The following HNRNPK variants were observed in gnomAD, a reference collection of about 807,000 sequenced individuals.
HNRNPK encodes the protein dC-stretch binding protein.
In HNRNPK, 7 loss-of-function variants were observed where a neutral mutation model predicts 67.0. The observed-to-expected ratio is 0.10, with a 90% CI of 0.06 to 0.20. HNRNPK has a LOEUF of 0.20. Ranked by LOEUF, HNRNPK falls within the 10% of genes least tolerant of loss-of-function variation. The pLI is 1.00. For missense variants in HNRNPK, 264 were observed against 606.5 expected (o/e 0.44, Z 5.93); for synonymous variants, 213 against 193.7 (o/e 1.10, Z -0.83).
In HNRNPK at chr9:83,974,609, C is replaced by T; in HGVS notation, c.258-20G>A. On this transcript the variant is annotated intron_variant, in intron 6 of 16. Transcript: ENST00000376263. ...AATATGCTGTCAAACACCACAAATA[C>T]CAGATAGTACAAAAAAGGTGGAAAA... 2 of 1,554,568 alleles carry T rather than the reference C, an allele frequency of 1.3e-6. No individual in the cohort carries two copies. The highest frequency in any genetic ancestry group is 1.8e-6 in the Non-Finnish European group (2 of 1,134,748).
chr9:83,973,510 TA>T, intron 8 of HNRNPK, 111 bp from the exon 9 acceptor site: 1 of 689,208 alleles, frequency 1.5e-6, no homozygotes, highest in South Asian at 1.8e-5. Context: ...AACCTGAATT[TA>T]TATTTCAATA....
intron 10 of HNRNPK, 152 bp from the exon 11 acceptor site, chr9:83,972,341 T>C (rs1235638872): frequency 4.9e-6 from 3 of 611,340 alleles, no homozygotes; most frequent in Non-Finnish European, 8.4e-6. Context: ...ACGCTAAAAG[T>C]AGCAAAGTAA....
chr9:83,973,847 G>A (rs371901358), intron 8 of HNRNPK, 55 bp downstream of exon 8: 45 of 1,266,922 alleles, frequency 3.6e-5, no homozygotes, highest in African/African-American at 5.9e-5. Context: ...AAATATAATC[G>A]ATCCTATGGG....
chr9:83,977,403 A>G (rs1203747696), intron 4 of HNRNPK, among the ~76,000 whole-genome samples: 2 of 152,208 alleles, frequency 1.3e-5, no homozygotes, highest in East Asian at 1.9e-4. Context: ...CCAACCAAGC[A>G]GTTTCCTAAG....
At chr9:83,975,255 C>A (rs1957025333) in intron 6 of HNRNPK, among the ~76,000 whole-genome samples, 1 of 152,102 alleles carries the variant, frequency 6.6e-6, no homozygotes, top group African/African-American at 2.4e-5. Flanking sequence ...GTGCTCCTTC[C>A]ATCGAAATAA....
chr9:83,977,877 C>A (rs1167583840), intron 3 of HNRNPK, 91 bp from the exon 4 acceptor site: 3 of 825,880 alleles, frequency 3.6e-6, no homozygotes, highest in East Asian at 5.0e-5. Context: ...TAATCTTAGG[C>A]ATGTTTTGAA....
intron 1 of HNRNPK, among the ~76,000 whole-genome samples, chr9:83,979,223 A>C (rs1011296898): frequency 6.6e-6 from 1 of 152,220 alleles, no homozygotes; most frequent in African/African-American, 2.4e-5. Context: ...TTGGCTAGAC[A>C]GCAAAGAGCC....
At chr9:83,973,201 G>A in intron 9 of HNRNPK, 85 bp downstream of exon 9, 5 of 856,234 alleles carry the variant, frequency 5.8e-6, no homozygotes, top group East Asian at 4.8e-5. Flanking sequence ...GAACTGAGAG[G>A]GGAAGCGAGA....
intron 4 of HNRNPK, 128 bp from the exon 5 acceptor site, chr9:83,977,179 G>C (rs1957107008): frequency 1.6e-6 from 1 of 627,982 alleles, no homozygotes; most frequent in Non-Finnish European, 2.8e-6. Context: ...ATTTGGGGTT[G>C]TAAAAACGAC....
At chr9:83,977,906 A>G in intron 3 of HNRNPK, 120 bp from the exon 4 acceptor site, 1 of 645,444 alleles carries the variant, frequency 1.5e-6, no homozygotes, top group Non-Finnish European at 2.7e-6. Flanking sequence ...AGGCATTGCT[A>G]CAGACTTGAA....
At chr9:83,978,884 G>A (rs533387682) in intron 1 of HNRNPK, among the ~76,000 whole-genome samples, 34 of 152,190 alleles carry the variant, frequency 2.2e-4, no homozygotes, top group Non-Finnish European at 2.9e-4. Flanking sequence ...CATCTCTAAA[G>A]TTTACAAATA....
chr9:83,972,729 T>C, intron 10 of HNRNPK, 115 bp downstream of exon 10: 2 of 694,406 alleles, frequency 2.9e-6, no homozygotes, highest in Non-Finnish European at 4.6e-6. Context: ...GATAGAAAAT[T>C]GCTAGGGAAA....
intron 2 of HNRNPK, 26 bp from the exon 3 acceptor site, chr9:83,978,305 C>G: frequency 7.2e-7 from 1 of 1,386,392 alleles, no homozygotes; most frequent in Non-Finnish European, 9.7e-7. Context: ...GCAGCTAGTA[C>G]ATTTGGCTTA....
At chr9:83,969,549 C>A in intron 16 of HNRNPK, 109 bp from the exon 17 acceptor site, 1 of 738,954 alleles carries the variant, frequency 1.4e-6, no homozygotes, top group East Asian at 2.5e-5. Context: ...ACGTCCATTA[C>A]AATTAGAAGA....
intron 8 of HNRNPK, 71 bp downstream of exon 8, chr9:83,973,831 T>C: frequency 2.6e-6 from 3 of 1,138,940 alleles, no homozygotes; most frequent in Admixed American, 1.8e-5. Context: ...AAGCACACTA[T>C]GTTAAAAATA....
Position 83,970,287 on chromosome 9 carries a change from T to C in HNRNPK, c.1236A>G (p.Gln412=), listed in dbSNP as rs61755088. The C allele has an allele frequency of 1.9e-4, 300 of 1,613,938 alleles. No individual in the cohort carries two copies. The highest frequency in any genetic ancestry group is 2.7e-4 in the Admixed American group (16 of 59,996). The change falls in exon 16 of 17, where the codon CAA becomes CAG. Residue 412 remains glutamine, a synonymous_variant. Transcript: ENST00000376263. ...TCGAAGCTCCCGACTCATGACGGAT[T>C]TGTTTAATCCGCTGACCACCTTTGC... The part of the protein sequence containing the change: ...IIGKGGQRIK[Q]IRHESGASIK...
intron 13 of HNRNPK, 48 bp from the exon 14 acceptor site, chr9:83,970,960 A>C: frequency 6.4e-7 from 1 of 1,554,444 alleles, no homozygotes. Context: ...CGTTGTAATT[A>C]CTACCGGTAC....
intron 1 of HNRNPK, among the ~76,000 whole-genome samples, chr9:83,979,825 G>C (rs1957292644): frequency 6.6e-6 from 1 of 152,264 alleles, no homozygotes; most frequent in African/African-American, 2.4e-5. Flanking sequence ...CCAAGGTGAG[G>C]CGGGGCTCAC....
chr9:83,973,894 T>G lies in HNRNPK; in HGVS notation c.402+8A>C, dbSNP rs1165884819. 6.2e-7 allele frequency: 1 copy of G among 1,609,482 alleles called. No homozygotes were observed. Among genetic ancestry groups the G allele is most frequent in the African/African-American group, 1.3e-5 (1 of 74,832 alleles). On this transcript the variant is annotated splice_region_variant and intron_variant, in intron 8 of 16. Transcript: ENST00000376263. ...ACTTCAGTGGGGTTCAATGGCACTATGACATACATTTAAGCATTCCACAGC... is the reference window on the plus strand; with the variant it reads ...ACTTCAGTGGGGTTCAATGGCACTAGGACATACATTTAAGCATTCCACAGC...
Sources: gnomAD v4.1 joint callset for allele counts (sites outside exome capture counted in the v4.1 genomes callset) on GRCh38, gnomAD v4.1.1 for gene constraint, MANE v1.5 for transcripts, NCBI Gene and HGNC (gene_info 2026-07-23, HGNC 2026-07-21) for gene names.